ARHGAP21: variants seen among roughly 807,000 people sequenced by gnomAD.
The protein encoded by ARHGAP21 is Rho GTPase activating protein 21, also known as rho GTPase-activating protein 21.
ARHGAP21 carries 38 observed loss-of-function variants against 164.6 expected under a neutral mutation model. The ratio of observed to expected loss-of-function variants is 0.23; its 90% CI spans 0.18 to 0.30. The LOEUF (loss-of-function observed/expected upper bound fraction) is 0.30. Among genes scored for constraint, ARHGAP21 ranks in the 10% least tolerant of loss-of-function variants. The pLI, the probability that ARHGAP21 is intolerant of heterozygous loss-of-function variation, is 1.00. For missense variants in ARHGAP21, 1,822 were observed against 2,370.7 expected (o/e 0.77, Z 4.81); for synonymous variants, 766 against 857.9 (o/e 0.89, Z 1.87).
At chr10:24,624,809 GACA>G (rs771122432) in intron 7 of ARHGAP21, among the ~76,000 whole-genome samples, 5 of 151,994 alleles carry the variant, frequency 3.3e-5, no homozygotes, top group Non-Finnish European at 5.9e-5. Context: ...GATAGAATCA[GACA>G]ACATTTAAAT....
intron 2 of ARHGAP21, among the ~76,000 whole-genome samples, chr10:24,707,135 C>G (rs1335903611): frequency 6.6e-6 from 1 of 152,158 alleles, no homozygotes; most frequent in Non-Finnish European, 1.5e-5. Flanking sequence ...TCTCTTTGTT[C>G]TCTTACTACT....
At position 24,721,864 on chromosome 10, in the gene ARHGAP21, T is replaced by G. The variant is rs1845976127; in HGVS notation, c.36A>C (p.Gly12=). The G allele has an allele frequency of 6.2e-7, 1 of 1,614,078 alleles. No homozygotes were observed. The highest frequency in any genetic ancestry group is 1.1e-5 in the South Asian group (1 of 91,086). ...MATRRTGLSE[G]DGDKLKACEV... is the part of the protein sequence containing the mutation. ...CGCAGGCCTTGAGCTTGTCACCATC[T>G]CCCTCAGACAGACCAGTCCGACGCG... Residue 12 remains glycine (G), a synonymous_variant, in exon 2 of 26, where the codon GGA becomes GGC. Coordinates refer to ENST00000396432, the MANE Select transcript of ARHGAP21 (RefSeq NM_020824.4).
At chr10:24,670,129 G>A in intron 3 of ARHGAP21, 89 bp downstream of exon 3, 3 of 823,262 alleles carry the variant, frequency 3.6e-6, no homozygotes, top group Non-Finnish European at 5.3e-6. Context: ...ACAGAAAAAA[G>A]GCCATAGGGA....
chr10:24,660,903 A>C (rs1456081379), intron 4 of ARHGAP21, among the ~76,000 whole-genome samples: 1 of 152,052 alleles, frequency 6.6e-6, no homozygotes, highest in Non-Finnish European at 1.5e-5. Context: ...AGGAAGCTAA[A>C]TATCGGATGT....
chr10:24,695,396 C>G (rs1349349786), intron 2 of ARHGAP21, among the ~76,000 whole-genome samples: 1 of 151,968 alleles, frequency 6.6e-6, no homozygotes, highest in Non-Finnish European at 1.5e-5. Flanking sequence ...TGGCAAAACC[C>G]CGTCTCTACT....
At chr10:24,597,625 C>G (rs1318586433) in intron 15 of ARHGAP21, 42 bp from the exon 16 acceptor site, 2 of 1,607,552 alleles carry the variant, frequency 1.2e-6, no homozygotes, top group South Asian at 2.2e-5. Flanking sequence ...ACAGTAATCC[C>G]CCTCTATCTA....
At chr10:24,653,771 G>C (rs1212041250) in intron 4 of ARHGAP21, among the ~76,000 whole-genome samples, 1 of 152,152 alleles carries the variant, frequency 6.6e-6, no homozygotes, top group Admixed American at 6.6e-5. Context: ...AATGGAATCA[G>C]ATAGTACTCT....
At chr10:24,621,813 T>C (rs556965446) in intron 8 of ARHGAP21, among the ~76,000 whole-genome samples, 14 of 149,922 alleles carry the variant, frequency 9.3e-5, no homozygotes, top group African/African-American at 3.5e-4. Context: ...GTACTACTAC[T>C]ATAATAAATT....
intron 4 of ARHGAP21, among the ~76,000 whole-genome samples, chr10:24,656,100 G>A (rs1423823527): frequency 6.8e-6 from 1 of 147,194 alleles, no homozygotes; most frequent in African/African-American, 2.6e-5. Flanking sequence ...CCGCCCGGCA[G>A]CCACCCCATC....
chr10:24,589,325 T>C, intron 24 of ARHGAP21, 23 bp from the exon 25 acceptor site: 1 of 1,602,074 alleles, frequency 6.2e-7, no homozygotes, highest in Non-Finnish European at 8.5e-7. Context: ...AAATAAAACA[T>C]GGTCAGTATT....
At chr10:24,688,882 C>CG (rs1842461033) in intron 2 of ARHGAP21, among the ~76,000 whole-genome samples, 2 of 152,160 alleles carry the variant, frequency 1.3e-5, no homozygotes, top group South Asian at 4.1e-4. Flanking sequence ...TTTCCTTTTT[C>CG]TTTCCCTTCC....
In ARHGAP21 at chr10:24,691,848, C is replaced by T. The variant is rs529667949; in HGVS notation, c.64-21451G>A. ...AAACCTCTAAAACCTTTTACAAGGG[C>T]AAACTGTTATGATTTTTAAGTAAGC... On this transcript the variant is annotated intron_variant, in intron 2 of 25. Coordinates refer to ENST00000396432, the MANE Select transcript of ARHGAP21 (RefSeq NM_020824.4). Among the ~76,000 whole-genome samples, 11 of 152,234 alleles carry T rather than the reference C, an allele frequency of 7.2e-5. No individual in the cohort carries two copies. In the South Asian group the frequency reaches 2.3e-3, roughly 32 times the overall value.
At chr10:24,602,546 G>C (rs1244143142) in intron 12 of ARHGAP21, among the ~76,000 whole-genome samples, 1 of 152,192 alleles carries the variant, frequency 6.6e-6, no homozygotes, top group Non-Finnish European at 1.5e-5. Flanking sequence ...AGTTTGATGA[G>C]AATGTACAGC....
chr10:24,658,170 A>G (rs1839273899), intron 4 of ARHGAP21, among the ~76,000 whole-genome samples: 1 of 152,260 alleles, frequency 6.6e-6, no homozygotes, highest in South Asian at 2.1e-4. Flanking sequence ...AAAAGTCAGG[A>G]AACAACAGGT....
intron 9 of ARHGAP21, among the ~76,000 whole-genome samples, chr10:24,613,019 T>C (rs932820836): frequency 1.3e-5 from 2 of 152,058 alleles, no homozygotes; most frequent in African/African-American, 4.8e-5. Flanking sequence ...CAAGTAATAA[T>C]GTATTAATCT....
chr10:24,595,359 C>T (rs931070676), intron 19 of ARHGAP21, among the ~76,000 whole-genome samples, 169 bp from the exon 20 acceptor site: 9 of 152,150 alleles, frequency 5.9e-5, no homozygotes, highest in Non-Finnish European at 1.2e-4. Flanking sequence ...CCTATATTTA[C>T]ACAGCCTGTC....
At chr10:24,649,216 G>C (rs184634596) in intron 4 of ARHGAP21, among the ~76,000 whole-genome samples, 2 of 152,330 alleles carry the variant, frequency 1.3e-5, no homozygotes, top group Admixed American at 6.5e-5. Context: ...CTAATATAGA[G>C]AGATGGGTAA....
intron 2 of ARHGAP21, among the ~76,000 whole-genome samples, chr10:24,696,034 C>CA (rs1843142852): frequency 6.6e-6 from 1 of 152,198 alleles, no homozygotes; most frequent in Non-Finnish European, 1.5e-5. Context: ...ATCTGTTACT[C>CA]AGCAATAGAT....
At chr10:24,641,853 C>T (rs373965118) in intron 4 of ARHGAP21, among the ~76,000 whole-genome samples, 5 of 151,984 alleles carry the variant, frequency 3.3e-5, no homozygotes, top group Non-Finnish European at 4.4e-5. Flanking sequence ...AAAAATTAGC[C>T]GGGCATTGTG....
Sources: allele counts gnomAD v4.1 joint callset (sites outside exome capture counted in the v4.1 genomes callset), GRCh38; gene constraint gnomAD v4.1.1; transcripts MANE v1.5; gene names NCBI Gene and HGNC (gene_info 2026-07-23, HGNC 2026-07-21).